The following TMEM65 variants were observed in gnomAD, a reference collection of about 807,000 sequenced individuals.
TMEM65 encodes transmembrane protein 65.
A neutral mutation model predicts 25.4 loss-of-function variants in TMEM65; 22 were observed. The observed-to-expected ratio is 0.86, with a 90% confidence interval of 0.62 to 1.23. TMEM65 has a LOEUF of 1.23. Ranked by LOEUF, TMEM65 falls within the 50% of genes most tolerant of loss-of-function variation. The pLI is 0.00. For missense variants in TMEM65, 262 were observed against 308.2 expected, an observed-to-expected ratio of 0.85 and a Z score of 1.12; for synonymous variants, 132 against 126.2, an observed-to-expected ratio of 1.05 and a Z score of -0.31.
chr8:124,370,507 A>G (rs925738235), intron 1 of TMEM65, among the ~76,000 whole-genome samples: 13 of 152,342 alleles, frequency 8.5e-5, no homozygotes, highest in African/African-American at 2.6e-4. Flanking sequence ...ATGATTGCAT[A>G]TAACATCATG....
At chr8:124,351,138 C>T in intron 1 of TMEM65, 1 of 980,834 alleles carries the variant, frequency 1.0e-6, no homozygotes, top group Non-Finnish European at 1.2e-6. Context: ...ATTTTAAAAT[C>T]AAAATATATG....
chr8:124,320,306 G>T, intron 5 of TMEM65, 115 bp from the exon 6 acceptor site: 1 of 635,108 alleles, frequency 1.6e-6, no homozygotes, highest in Non-Finnish European at 2.6e-6. Context: ...AAAAAGACAT[G>T]CAAATGTCCT....
At chr8:124,318,363 G>GTTTTTTTTTTTTTTTTTTTT (rs144957064) in intron 6 of TMEM65, among the ~76,000 whole-genome samples, 5 of 73,838 alleles carry the variant, frequency 6.8e-5, no homozygotes, top group African/African-American at 2.2e-4. Flanking sequence ...GAATTTGCAT[G>GTTTTTTTTTTTTTTTTTTTT]TTTTTGTTTT....
chr8:124,320,898 A>C (rs2131196621), intron 5 of TMEM65, among the ~76,000 whole-genome samples: 1 of 152,318 alleles, frequency 6.6e-6, no homozygotes, highest in Non-Finnish European at 1.5e-5. Flanking sequence ...GAAGAGAAAT[A>C]GTTTTTAAAT....
intron 1 of TMEM65, among the ~76,000 whole-genome samples, chr8:124,339,465 G>A (rs557021831): frequency 6.6e-6 from 1 of 151,828 alleles, no homozygotes; most frequent in South Asian, 2.1e-4. Context: ...GGTTCAGAGT[G>A]CTGCCCAATT....
intron 1 of TMEM65, among the ~76,000 whole-genome samples, chr8:124,336,172 A>T (rs1017352936): frequency 2.0e-5 from 3 of 152,076 alleles, no homozygotes; most frequent in African/African-American, 7.2e-5. Flanking sequence ...GAGGCATAAC[A>T]ACTGCATGTT....
intron 1 of TMEM65, among the ~76,000 whole-genome samples, chr8:124,371,522 G>C (rs1220686821): frequency 6.6e-6 from 1 of 152,242 alleles, no homozygotes; most frequent in Non-Finnish European, 1.5e-5. Context: ...CTGGGGAGGG[G>C]AGGCACGGGG....
intron 3 of TMEM65, among the ~76,000 whole-genome samples, chr8:124,323,767 A>G (rs1182030332): frequency 6.6e-6 from 1 of 152,088 alleles, no homozygotes; most frequent in Non-Finnish European, 1.5e-5. Flanking sequence ...TATTTACTCT[A>G]TCAAAAGATT....
rs747159809 is a variant in TMEM65, at chr8:124,322,125, C to G, written c.495G>C (p.Val165=). ...CCTACCCAAGTCCAGCTAGATCTGA[C>G]ACAAGATTTCCCAAAGCAGCAGCTA... ...TMAAAALGNL[V]SDLAGLGLAG... The change falls in exon 5 of 7, where the codon GTG becomes GTC. Residue 165 remains valine (V), a synonymous_variant. Coordinates refer to ENST00000297632, the MANE Select transcript of TMEM65 (RefSeq NM_194291.3). 6.2e-7 allele frequency: 1 copy of G among 1,607,436 alleles called. No individual in the cohort carries two copies. Among genetic ancestry groups the G allele is most frequent in the African/African-American group, 1.3e-5 (1 of 74,720 alleles).
intron 1 of TMEM65, among the ~76,000 whole-genome samples, chr8:124,337,063 C>A (rs1439386797): frequency 6.6e-6 from 1 of 151,764 alleles, no homozygotes; most frequent in Non-Finnish European, 1.5e-5. Flanking sequence ...CCAAAACTAG[C>A]AGATTAAGCA....
At chr8:124,330,492 T>C (rs1279191829) in intron 2 of TMEM65, among the ~76,000 whole-genome samples, 1 of 151,956 alleles carries the variant, frequency 6.6e-6, no homozygotes, top group Admixed American at 6.6e-5. Context: ...ACTTCTATCA[T>C]AAAAATAATT....
At chr8:124,331,344 C>T (rs1814428915) in intron 1 of TMEM65, among the ~76,000 whole-genome samples, 1 of 123,172 alleles carries the variant, frequency 8.1e-6, no homozygotes, top group African/African-American at 3.1e-5. Context: ...AATATTTTAA[C>T]TTTTATAATA....
In TMEM65 at chr8:124,371,851, T is replaced by C; in HGVS notation, c.304+3A>G. 1 of 1,524,526 alleles carries C rather than the reference T, an allele frequency of 6.6e-7. No homozygotes were observed. The highest frequency in any genetic ancestry group is 8.8e-7 in the Non-Finnish European group (1 of 1,141,600). The allele number at this position is 1,524,526 out of a possible 1,614,324, so 94.4% of individuals were successfully genotyped here. ...GGGCTCGCCCCCCACCTGCCCCCCT[T>C]ACCTTGGGCAATGGCAATAGACTCG... is the stretch of plus-strand genomic sequence containing the variant. On this transcript the variant is annotated splice_donor_region_variant and intron_variant, in intron 1 of 6. Transcript: ENST00000297632.
At chr8:124,351,976 T>A (rs1230829006) in intron 1 of TMEM65, among the ~76,000 whole-genome samples, 1 of 152,228 alleles carries the variant, frequency 6.6e-6, no homozygotes, top group African/African-American at 2.4e-5. Flanking sequence ...TTGTAAAACA[T>A]CACGTTATCA....
chr8:124,339,222 A>AATATATATATATAAATATATATAT (rs1814555374), intron 1 of TMEM65, among the ~76,000 whole-genome samples: 1 of 19,904 alleles, frequency 5.0e-5, no homozygotes, highest in African/African-American at 2.6e-4. Context: ...AAAAAAAAAA[A>AATATATATATATAAATATATATAT]ATATATATAT....
At chr8:124,359,066 C>G (rs1190072794) in intron 1 of TMEM65, among the ~76,000 whole-genome samples, 1 of 152,206 alleles carries the variant, frequency 6.6e-6, no homozygotes, top group Non-Finnish European at 1.5e-5. Context: ...CAGACAGAAA[C>G]TGGTAGTAAA....
chr8:124,323,111 T>C (rs555269393), intron 4 of TMEM65, among the ~76,000 whole-genome samples: 1 of 152,210 alleles, frequency 6.6e-6, no homozygotes, highest in East Asian at 1.9e-4. Context: ...CAGAGTATTG[T>C]TATCCAATAA....
At chr8:124,336,783 C>T (rs1192092702) in intron 1 of TMEM65, among the ~76,000 whole-genome samples, 2 of 151,658 alleles carry the variant, frequency 1.3e-5, no homozygotes, top group Non-Finnish European at 3.0e-5. Context: ...GCAAAGTAAA[C>T]ATAAACTAAG....
At chr8:124,331,210 A>G (rs927218697) in intron 1 of TMEM65, among the ~76,000 whole-genome samples, 2 of 151,852 alleles carry the variant, frequency 1.3e-5, no homozygotes, top group Admixed American at 1.3e-4. Flanking sequence ...TTGATAGTGG[A>G]AAACATGAAT....
Sources: gnomAD v4.1 joint callset for allele counts (sites outside exome capture counted in the v4.1 genomes callset) on GRCh38, gnomAD v4.1.1 for gene constraint, MANE v1.5 for transcripts, NCBI Gene and HGNC (gene_info 2026-07-23, HGNC 2026-07-21) for gene names.